Variants in STT3B observed in about 807,000 individuals in gnomAD.
STT3B encodes dolichyl-diphosphooligosaccharide--protein glycosyltransferase subunit STT3B.
In STT3B, 29 loss-of-function variants were observed where a neutral mutation model predicts 96.8. That is an observed-to-expected ratio of 0.30 (90% CI 0.22 to 0.41). The LOEUF is 0.41. Ranked by LOEUF, STT3B falls within the 10% of genes least tolerant of loss-of-function variation. STT3B has a pLI of 1.00. For missense variants in STT3B, 640 were observed against 1,022.3 expected (o/e 0.63, Z 5.10); for synonymous variants, 367 against 360.0 (o/e 1.02, Z -0.22).
chr3:31,630,706 A>G (rs1699636514), intron 14 of STT3B, among the ~76,000 whole-genome samples: 1 of 152,182 alleles, frequency 6.6e-6, no homozygotes, highest in Non-Finnish European at 1.5e-5. Flanking sequence ...ATTTTATACT[A>G]TCACTGGGGA....
At chr3:31,540,393 A>G (rs1167815268) in intron 1 of STT3B, among the ~76,000 whole-genome samples, 2 of 152,176 alleles carry the variant, frequency 1.3e-5, no homozygotes, top group Non-Finnish European at 1.5e-5. Flanking sequence ...TTTTGTTTAT[A>G]TTAGTAAAGT....
Position 31,560,659 on chromosome 3 carries a change from TTTCTC to T in STT3B, c.315-15734_315-15730del, listed in dbSNP as rs1315224942. Among the ~76,000 whole-genome samples, 3 of 152,242 alleles carry T rather than the reference TTTCTC, an allele frequency of 2.0e-5. No homozygotes were observed. In the East Asian group the frequency reaches 5.8e-4, roughly 29 times the overall value. ...GTTTCTTTATAAGTGACTAGACTCT[TTTCTC>T]TTGCTGTTTGTGGAATTCTCTCCTT... On this transcript the variant is annotated intron_variant, in intron 1 of 15. Coordinates refer to ENST00000295770, the MANE Select transcript of STT3B (RefSeq NM_178862.3).
intron 1 of STT3B, among the ~76,000 whole-genome samples, chr3:31,545,076 G>A (rs78519734): frequency 0.044 from 6,635 of 152,220 alleles, 375 homozygotes; most frequent in East Asian, 0.32. Context: ...AATATGCTAA[G>A]CAGCTTTATG....
intron 3 of STT3B, among the ~76,000 whole-genome samples, chr3:31,586,426 A>C (rs765754660): frequency 3.3e-5 from 5 of 152,046 alleles, no homozygotes; most frequent in Non-Finnish European, 7.4e-5. Context: ...CTTTTTTTTC[A>C]ATAGATCTTG....
At chr3:31,549,539 G>A (rs1697500257) in intron 1 of STT3B, among the ~76,000 whole-genome samples, 2 of 151,536 alleles carry the variant, frequency 1.3e-5, no homozygotes. Context: ...CAACTTGTGG[G>A]CCATGGGATA....
chr3:31,557,631 ATTTG>A (rs1697752327), intron 1 of STT3B, among the ~76,000 whole-genome samples: 1 of 151,092 alleles, frequency 6.6e-6, no homozygotes, highest in African/African-American at 2.4e-5. Context: ...TTTTATTTTT[ATTTG>A]TTTATTTATT....
intron 14 of STT3B, among the ~76,000 whole-genome samples, chr3:31,632,293 G>T (rs1015036230): frequency 1.3e-5 from 2 of 152,098 alleles, no homozygotes; most frequent in Non-Finnish European, 2.9e-5. Context: ...TCTTACTTGT[G>T]CATTTATTTA....
At chr3:31,562,407 G>A (rs749045841) in intron 1 of STT3B, among the ~76,000 whole-genome samples, 1 of 152,160 alleles carries the variant, frequency 6.6e-6, no homozygotes, top group African/African-American at 2.4e-5. Flanking sequence ...CACTGGTGGT[G>A]GACTTAGTGA....
chr3:31,554,566 T>C (rs1362781484), intron 1 of STT3B, among the ~76,000 whole-genome samples: 3 of 152,206 alleles, frequency 2.0e-5, no homozygotes, highest in Non-Finnish European at 4.4e-5. Flanking sequence ...AGGTGTAATT[T>C]CTCTGAAACT....
intron 1 of STT3B, among the ~76,000 whole-genome samples, chr3:31,540,127 A>G (rs1208880274): frequency 6.6e-6 from 1 of 152,152 alleles, no homozygotes; most frequent in African/African-American, 2.4e-5. Context: ...TCAGAAGATG[A>G]GGGGAAGTTA....
intron 9 of STT3B, among the ~76,000 whole-genome samples, chr3:31,621,819 C>T (rs1575445744): frequency 6.6e-6 from 1 of 152,114 alleles, no homozygotes. Flanking sequence ...ATGTTATTGA[C>T]AAATAGTGAA....
At chr3:31,576,152 C>T (rs1698258585) in intron 1 of STT3B, among the ~76,000 whole-genome samples, 1 of 151,962 alleles carries the variant, frequency 6.6e-6, no homozygotes, top group African/African-American at 2.4e-5. Flanking sequence ...ACCACCTGGA[C>T]CCCAAGCAAT....
At position 31,546,852 on chromosome 3, in the gene STT3B, T is replaced by C. The variant is rs539642841; in HGVS notation, c.314+13540T>C. 3.9e-5 allele frequency among the ~76,000 whole-genome samples: 6 copies of C among 152,310 alleles called. No homozygotes were observed. The East Asian group carries it at 1.2e-3, about 29-fold the overall frequency. On this transcript the variant is annotated intron_variant, in intron 1 of 15. Coordinates refer to ENST00000295770, the MANE Select transcript of STT3B (RefSeq NM_178862.3). Reference sequence around the variant, plus strand: ...CTTAAAGCAATCCTATTAGATATTTTATTGCCCCCATTTTACAGATGAGAG... The same window carrying C: ...CTTAAAGCAATCCTATTAGATATTTCATTGCCCCCATTTTACAGATGAGAG...
At chr3:31,571,154 C>T (rs909467677) in intron 1 of STT3B, among the ~76,000 whole-genome samples, 5 of 152,116 alleles carry the variant, frequency 3.3e-5, no homozygotes, top group African/African-American at 1.2e-4. Flanking sequence ...CTGACATGAA[C>T]AGGCAGCTCT....
chr3:31,590,900 G>A (rs1698650134), intron 3 of STT3B, among the ~76,000 whole-genome samples: 1 of 151,996 alleles, frequency 6.6e-6, no homozygotes, highest in African/African-American at 2.4e-5. Flanking sequence ...TCCTGGTCAA[G>A]CATGCTCTCC....
At chr3:31,595,184 G>A (rs1378441806) in intron 3 of STT3B, among the ~76,000 whole-genome samples, 1 of 152,112 alleles carries the variant, frequency 6.6e-6, no homozygotes, top group African/African-American at 2.4e-5. Context: ...CTGAAATGAG[G>A]GTCTTATGAC....
At chr3:31,629,442 A>T (rs1012043659) in intron 14 of STT3B, 31 bp downstream of exon 14, 2 of 1,212,004 alleles carry the variant, frequency 1.7e-6, no homozygotes. Context: ...TCTAATTTTC[A>T]TTCAAAATAA....
Position 31,533,045 on chromosome 3 carries a change from A to G in STT3B, c.47A>G (p.Asn16Ser), listed in dbSNP as rs775835448. The change falls in exon 1 of 16, where the codon AAC becomes AGC. Residue 16 changes from asparagine to serine, a missense_variant. Physicochemically the swap from Asn to Ser is conservative, Grantham distance 46. This residue lies in a region of STT3B where 89 missense variants were observed against 81.7 expected (regional missense o/e 1.09). Transcript: ENST00000295770. The stretch of plus-strand genomic sequence containing the variant: ...GAGAGCAAGCACAAGTCGTCCCTCA[A>G]CTCGTCCCCGTGGAGTGGCCTCATG... Reference protein sequence around the residue: ...APESKHKSSLNSSPWSGLMAL... With the variant: ...APESKHKSSLSSSPWSGLMAL... 4.4e-6 allele frequency: 7 copies of G among 1,584,832 alleles called. No individual in the cohort carries two copies. In the African/African-American group the frequency reaches 7.1e-5, roughly 16 times the overall value.
intron 1 of STT3B, among the ~76,000 whole-genome samples, chr3:31,566,060 G>A (rs1320424512): frequency 6.6e-6 from 1 of 152,068 alleles, no homozygotes; most frequent in South Asian, 2.1e-4. Context: ...TTGTACAAAA[G>A]CCCCATATAT....
Sources: gnomAD v4.1 joint callset for allele counts (sites outside exome capture counted in the v4.1 genomes callset) on GRCh38, gnomAD v4.1.1 for gene constraint, gnomAD v4.1.1 regional missense constraint, MANE v1.5 for transcripts, NCBI Gene and HGNC (gene_info 2026-07-23, HGNC 2026-07-21) for gene names.